SYTL4: variants seen among roughly 807,000 people sequenced by gnomAD.
SYTL4 encodes the protein synaptotagmin-like protein 4.
In SYTL4, 16 loss-of-function variants were observed where a neutral mutation model predicts 52.7. That is an observed-to-expected ratio of 0.30 (90% CI 0.21 to 0.46). SYTL4 has a LOEUF of 0.46. Among genes scored for constraint, SYTL4 ranks in the 20% least tolerant of loss-of-function variants. The pLI, the probability that SYTL4 is intolerant of heterozygous loss-of-function variation, is 1.00. For missense variants in SYTL4, 423 were observed against 519.9 expected, an observed-to-expected ratio of 0.81 and a Z score of 1.81; for synonymous variants, 160 against 186.6, an observed-to-expected ratio of 0.86 and a Z score of 1.16.
intron 13 of SYTL4, chrX:100,687,483 A>C: frequency 2.7e-6 from 1 of 371,398 alleles, no homozygotes; most frequent in Admixed American, 4.7e-5. Context: ...TCTCTTCCTC[A>C]ACTCTTTTTA....
At chrX:100,704,549 C>G (rs142124822) in intron 3 of SYTL4, among the ~76,000 whole-genome samples, 309 of 112,411 alleles carry the variant, frequency 2.7e-3, no homozygotes, top group Middle Eastern at 4.6e-3. Flanking sequence ...AAACAACTGA[C>G]TGGCTAGTGA....
intron 2 of SYTL4, among the ~76,000 whole-genome samples, chrX:100,728,005 G>T (rs1344597159): frequency 9.0e-6 from 1 of 111,515 alleles, no homozygotes; most frequent in Admixed American, 9.5e-5. Context: ...GAAAGGCCTG[G>T]GTAACAAACA....
At chrX:100,729,595 G>A (rs958899596) in intron 2 of SYTL4, among the ~76,000 whole-genome samples, 2 of 111,292 alleles carry the variant, frequency 1.8e-5, no homozygotes, top group East Asian at 5.7e-4. Context: ...TCCGGTTACT[G>A]GCACAAATAT....
rs370019475 is a variant in SYTL4, at chrX:100,681,272, A to T, written c.1513T>A (p.Tyr505Asn). Residue 505 changes from tyrosine (Y) to asparagine (N), a missense_variant, in exon 17 of 20, where the codon TAC (tyrosine) becomes AAC (asparagine). Physicochemically the swap from Tyr to Asn is moderately radical, Grantham distance 143 (BLOSUM62 -2). Transcript: ENST00000372989. ...ACAGGGGTTTTGGAGGCTGGGATGT[A>T]TTTCAATGAAACCACCAACTCGCCT... Reference protein sequence around the residue: ...HKGELVVSLKYIPASKTPVGG... With the variant: ...HKGELVVSLKNIPASKTPVGG... The T allele has an allele frequency of 1.5e-5, 18 of 1,209,280 alleles. No homozygotes were observed. The highest frequency in any genetic ancestry group is 2.0e-5 in the Non-Finnish European group (18 of 895,040).
rs1311570814 is a variant in SYTL4, at chrX:100,677,702, G to T, written c.1867+689C>A. Among the ~76,000 whole-genome samples the T allele has an allele frequency of 2.7e-5, 3 of 111,583 alleles. No individual in the cohort carries two copies. In the East Asian group the frequency reaches 8.4e-4, roughly 31 times the overall value. ...TCAATAGAAGTTCAGCGTTTCAAGC[G>T]AAAAGGAGTGATCTAGCATGTTAAA... On this transcript the variant is annotated intron_variant, in intron 19 of 19. Coordinates refer to ENST00000372989, the MANE Select transcript of SYTL4 (RefSeq NM_001370165.1).
chrX:100,701,778 G>T, intron 5 of SYTL4, 105 bp from the exon 6 acceptor site: 1 of 893,196 alleles, frequency 1.1e-6, no homozygotes, highest in Non-Finnish European at 1.6e-6. Flanking sequence ...TTCTGTGGAA[G>T]CAACAAACTC....
Position 100,726,299 on chromosome X carries a change from A to G in SYTL4, c.-240+5119T>C, listed in dbSNP as rs138324826. ...GTGTCTATTTATGGTGTACAGCATG[A>G]TATTTTGAAATACACATACATAACC... is the stretch of plus-strand genomic sequence containing the variant. On this transcript the variant is annotated intron_variant, in intron 2 of 19. Coordinates refer to ENST00000372989, the MANE Select transcript of SYTL4 (RefSeq NM_001370165.1). 3.7e-3 allele frequency among the ~76,000 whole-genome samples: 410 copies of G among 111,427 alleles called. 1 individual carries two copies. Among genetic ancestry groups the G allele is most frequent in the African/African-American group, 0.013 (391 of 30,685 alleles).
chrX:100,724,018 G>C (rs2084428576), intron 2 of SYTL4, among the ~76,000 whole-genome samples: 1 of 100,760 alleles, frequency 9.9e-6, no homozygotes, highest in African/African-American at 3.8e-5. Flanking sequence ...GGGAGGTGGG[G>C]GGGGTCAGCC....
At chrX:100,720,360 T>C (rs1367679292) in intron 2 of SYTL4, among the ~76,000 whole-genome samples, 2 of 112,359 alleles carry the variant, frequency 1.8e-5, no homozygotes, top group Admixed American at 1.9e-4. Flanking sequence ...CTAGGTCATT[T>C]ATATGTACAA....
At chrX:100,707,267 G>A (rs1018140925) in intron 2 of SYTL4, among the ~76,000 whole-genome samples, 1 of 111,687 alleles carries the variant, frequency 9.0e-6, no homozygotes, top group Non-Finnish European at 1.9e-5. Context: ...CTCTGACTTC[G>A]AGGAAATTAA....
At chrX:100,725,693 C>T (rs1179858637) in intron 2 of SYTL4, among the ~76,000 whole-genome samples, 2 of 111,749 alleles carry the variant, frequency 1.8e-5, no homozygotes, top group African/African-American at 6.5e-5. Flanking sequence ...CCATTGTCTA[C>T]CTTCTTCTCA....
At chrX:100,713,624 G>A (rs867501020) in intron 2 of SYTL4, among the ~76,000 whole-genome samples, 24 of 101,713 alleles carry the variant, frequency 2.4e-4, no homozygotes, top group African/African-American at 6.4e-4. Context: ...TCAAAAGGGG[G>A]AAAAAAAAAA....
chrX:100,698,178 G>C lies in SYTL4; in HGVS notation c.539+2719C>G, dbSNP rs182032691. On this transcript the variant is annotated intron_variant, in intron 8 of 19. Transcript: ENST00000372989. ...AGTGCAGTGGAGCAATCTTGGCTCAGTGCAAGCTCCGCCTCCCGGGTTCAC... is the reference window on the plus strand; with the variant it reads ...AGTGCAGTGGAGCAATCTTGGCTCACTGCAAGCTCCGCCTCCCGGGTTCAC... 6.0e-3 allele frequency among the ~76,000 whole-genome samples: 660 copies of C among 109,671 alleles called. 46 individuals are homozygous for C. The East Asian group carries it at 0.1, about 17-fold the overall frequency.
At chrX:100,695,810 A>G (rs1948694996) in intron 8 of SYTL4, among the ~76,000 whole-genome samples, 1 of 112,061 alleles carries the variant, frequency 8.9e-6, no homozygotes, top group African/African-American at 3.2e-5. Flanking sequence ...GTTAATGAAC[A>G]TATCTTTCAC....
intron 2 of SYTL4, among the ~76,000 whole-genome samples, chrX:100,716,305 CT>C (rs1267382260): frequency 1.9e-5 from 2 of 106,464 alleles, no homozygotes; most frequent in African/African-American, 6.9e-5. Context: ...CAAAATTACC[CT>C]GGCATGGTGG....
chrX:100,710,455 G>C (rs1041331426), intron 2 of SYTL4, among the ~76,000 whole-genome samples: 1 of 111,827 alleles, frequency 8.9e-6, no homozygotes, highest in Admixed American at 9.5e-5. Flanking sequence ...AAATGTGATG[G>C]TGTCTACACT....
At chrX:100,687,339 A>G (rs917123290) in intron 13 of SYTL4, 94 bp from the exon 14 acceptor site, 3 of 833,327 alleles carry the variant, frequency 3.6e-6, no homozygotes, top group Admixed American at 5.2e-5. Flanking sequence ...CAGTCACTGA[A>G]CAGAAGTTTC....
chrX:100,691,162 T>G lies in SYTL4; in HGVS notation c.587A>C (p.Glu196Ala). 8.3e-7 allele frequency: 1 copy of G among 1,208,851 alleles called. No homozygotes were observed. Among genetic ancestry groups the G allele is most frequent in the Non-Finnish European group, 1.1e-6 (1 of 894,177 alleles). Residue 196 changes from glutamate (E) to alanine (A), a missense_variant, in exon 9 of 20, where the codon GAA becomes GCA. Glu to Ala is a moderately radical substitution (Grantham distance 107). Transcript: ENST00000372989. ...PKLKSGKSAL[E>A]AESESLDSFT... ...GCTATCCAGACTCTCACTCTCAGCT[T>G]CCAATGCACTCTTTCCACTTTTCAG... is the stretch of plus-strand genomic sequence containing the variant.
chrX:100,702,081 C>T lies in SYTL4; in HGVS notation c.-44G>A. 1.0e-6 allele frequency: 1 copy of T among 996,987 alleles called. No individual in the cohort carries two copies. Among genetic ancestry groups the T allele is most frequent in the Non-Finnish European group, 1.4e-6 (1 of 714,676 alleles). 82.2% of individuals were successfully genotyped at this position (996,987 alleles called of 1,213,427 possible). A position where few individuals can be genotyped will look rare whatever the true frequency, so the allele number is the denominator to read the frequency against. ...TTCTACTCTTCTTTCTTCAAAACAA[C>T]CAGACAAGGAGAGCTACCAGAGTTG... is the stretch of plus-strand genomic sequence containing the variant. On this transcript the variant is annotated 5_prime_UTR_variant, in exon 5 of 20. Coordinates refer to ENST00000372989, the MANE Select transcript of SYTL4 (RefSeq NM_001370165.1).
Sources: allele counts gnomAD v4.1 joint callset (sites outside exome capture counted in the v4.1 genomes callset), GRCh38; gene constraint gnomAD v4.1.1; transcripts MANE v1.5; gene names NCBI Gene and HGNC (gene_info 2026-07-23, HGNC 2026-07-21).